The following TPST1 variants were observed in gnomAD, a reference collection of about 807,000 sequenced individuals.
TPST1 encodes tyrosylprotein sulfotransferase 1.
In TPST1, 20 loss-of-function variants were observed where a neutral mutation model predicts 34.8. The ratio of observed to expected loss-of-function variants is 0.57; its 90% CI spans 0.40 to 0.84. The LOEUF is 0.84. Among genes scored for constraint, TPST1 ranks in the 40% least tolerant of loss-of-function variants. The pLI is 0.00. For missense variants in TPST1, 353 were observed against 455.5 expected (o/e 0.78, Z 2.05); for synonymous variants, 152 against 159.4 (o/e 0.95, Z 0.35).
intron 3 of TPST1, among the ~76,000 whole-genome samples, chr7:66,296,508 G>A (rs569005473): frequency 6.6e-6 from 1 of 152,144 alleles, no homozygotes; most frequent in African/African-American, 2.4e-5. Context: ...TTGTAAAGCA[G>A]TGCTTGAAAA....
At chr7:66,315,147 T>G (rs1054365586) in intron 3 of TPST1, among the ~76,000 whole-genome samples, 6 of 152,212 alleles carry the variant, frequency 3.9e-5, no homozygotes, top group Non-Finnish European at 8.8e-5. Context: ...AACAGTTCAG[T>G]TGAAAAGAGT....
intron 1 of TPST1, among the ~76,000 whole-genome samples, chr7:66,218,232 A>G (rs1025412444): frequency 1.6e-4 from 25 of 152,094 alleles, no homozygotes; most frequent in African/African-American, 5.3e-4. Flanking sequence ...TTCTGAGCCT[A>G]TGGATGTGAT....
At chr7:66,303,391 G>GTATGTATGTATGTATGTA (rs1554350572) in intron 3 of TPST1, among the ~76,000 whole-genome samples, 2 of 150,048 alleles carry the variant, frequency 1.3e-5, no homozygotes, top group Non-Finnish European at 3.0e-5. Flanking sequence ...ACAGCTGTGT[G>GTATGTATGTATGTATGTA]TGTATGTATG....
At chr7:66,342,122 A>G (rs915790557) in intron 3 of TPST1, among the ~76,000 whole-genome samples, 1 of 152,216 alleles carries the variant, frequency 6.6e-6, no homozygotes, top group Non-Finnish European at 1.5e-5. Flanking sequence ...GTAGATGGAC[A>G]TGTATCTGTT....
chr7:66,231,307 C>T lies in TPST1; in HGVS notation c.-101-9018C>T, dbSNP rs531862798. On this transcript the variant is annotated intron_variant, in intron 1 of 5. Transcript: ENST00000304842. Reference sequence around the variant, plus strand: ...GCCCAGCTGGCTTCGCCCAGTGGATCCCGCACCGGGGCTGCATGTGGAGCT... The same window carrying T: ...GCCCAGCTGGCTTCGCCCAGTGGATTCCGCACCGGGGCTGCATGTGGAGCT... Among the ~76,000 whole-genome samples the T allele has an allele frequency of 1.4e-3, 211 of 152,396 alleles. 1 individual carries two copies. Among genetic ancestry groups the T allele is most frequent in the African/African-American group, 4.9e-3 (205 of 41,600 alleles).
intron 2 of TPST1, among the ~76,000 whole-genome samples, chr7:66,278,100 C>CAAAAAAAAA (rs35654351): frequency 1.6e-4 from 8 of 50,244 alleles, no homozygotes; most frequent in Admixed American, 3.5e-4. Context: ...GACTCCATCT[C>CAAAAAAAAA]AAAAAAAAAA....
At chr7:66,254,020 A>AAAT (rs1790329821) in intron 2 of TPST1, among the ~76,000 whole-genome samples, 3 of 149,930 alleles carry the variant, frequency 2.0e-5, no homozygotes, top group African/African-American at 7.4e-5. Flanking sequence ...AAAAAAAAAA[A>AAAT]GAAAGAAAGA....
At chr7:66,329,366 A>T (rs1791950691) in intron 3 of TPST1, among the ~76,000 whole-genome samples, 1 of 152,136 alleles carries the variant, frequency 6.6e-6, no homozygotes, top group Admixed American at 6.6e-5. Context: ...CCTAACAGAG[A>T]ATTATTGTTA....
intron 4 of TPST1, among the ~76,000 whole-genome samples, chr7:66,354,568 G>A (rs1185753406): frequency 7.0e-6 from 1 of 142,180 alleles, no homozygotes; most frequent in Admixed American, 7.1e-5. Context: ...AAGCCGGTTT[G>A]CATAACAAAT....
chr7:66,273,831 C>G (rs1171310138), intron 2 of TPST1, among the ~76,000 whole-genome samples: 1 of 151,620 alleles, frequency 6.6e-6, no homozygotes, highest in Non-Finnish European at 1.5e-5. Context: ...GAGACAGGGT[C>G]TCACTCTGTC....
At chr7:66,274,672 T>G (rs949336250) in intron 2 of TPST1, among the ~76,000 whole-genome samples, 1 of 152,170 alleles carries the variant, frequency 6.6e-6, no homozygotes, top group African/African-American at 2.4e-5. Context: ...TGGGTTGATA[T>G]ATTTGCAAAC....
chr7:66,217,829 C>T (rs1163048954), intron 1 of TPST1, among the ~76,000 whole-genome samples: 1 of 151,432 alleles, frequency 6.6e-6, no homozygotes, highest in Non-Finnish European at 1.5e-5. Flanking sequence ...TGTGATCCGC[C>T]CGCCTCGGCC....
chr7:66,267,959 C>G (rs538064359), intron 2 of TPST1, among the ~76,000 whole-genome samples: 3 of 151,462 alleles, frequency 2.0e-5, no homozygotes, highest in Non-Finnish European at 4.4e-5. Context: ...TCCTTCCTTT[C>G]GTCCTTTTTT....
intron 3 of TPST1, among the ~76,000 whole-genome samples, chr7:66,348,768 C>T (rs571977584): frequency 6.6e-5 from 10 of 152,266 alleles, no homozygotes; most frequent in Admixed American, 1.3e-4. Flanking sequence ...ATGTTATTTT[C>T]GTCGGTTTTA....
At chr7:66,230,025 A>G (rs1048647183) in intron 1 of TPST1, among the ~76,000 whole-genome samples, 1 of 152,114 alleles carries the variant, frequency 6.6e-6, no homozygotes, top group Non-Finnish European at 1.5e-5. Context: ...CGTCTCTACT[A>G]AAAAATACAA....
At chr7:66,248,920 C>T (rs147840944) in intron 2 of TPST1, among the ~76,000 whole-genome samples, 232 of 152,158 alleles carry the variant, frequency 1.5e-3, no homozygotes, top group African/African-American at 5.4e-3. Context: ...GTTGATTTCT[C>T]GCAGTTTTGG....
At chr7:66,202,098 C>T (rs1351023342), upstream of TPST1, among the ~76,000 whole-genome samples, 3 of 152,120 alleles carry the variant, frequency 2.0e-5, no homozygotes, top group African/African-American at 4.8e-5. Flanking sequence ...ATATTATACA[C>T]ACTGTTTTGA....
chr7:66,235,652 T>C (rs1190538418), intron 1 of TPST1, among the ~76,000 whole-genome samples: 1 of 152,176 alleles, frequency 6.6e-6, no homozygotes, highest in African/African-American at 2.4e-5. Flanking sequence ...TCAGTTAGTT[T>C]AGAAAGTTTA....
At chr7:66,271,206 A>G (rs1790697729) in intron 2 of TPST1, among the ~76,000 whole-genome samples, 2 of 151,952 alleles carry the variant, frequency 1.3e-5, no homozygotes, top group African/African-American at 4.8e-5. Context: ...CCTCCTGAGT[A>G]CTTTTGCTGT....
Sources: allele counts gnomAD v4.1 joint callset (sites outside exome capture counted in the v4.1 genomes callset), GRCh38; gene constraint gnomAD v4.1.1; transcripts MANE v1.5; gene names NCBI Gene and HGNC (gene_info 2026-07-23, HGNC 2026-07-21).